Variants in OR2I1 observed in about 807,000 individuals in gnomAD.
OR2I1 encodes olfactory receptor family 2 subfamily I member 1 (gene/pseudogene), also known as putative olfactory receptor 2I1.
the OR2I1 span, chr6:29,552,993 C>G: frequency 1.2e-4 from 44 of 368,398 alleles, no homozygotes; most frequent in African/African-American, 8.9e-4. Flanking sequence ...ATCATTCTGC[C>G]TACCGAGTGT....
At chr6:29,557,590 C>T in the OR2I1 span, 2 of 152,202 alleles carry the variant, frequency 1.3e-5, no homozygotes, top group East Asian at 3.8e-4. Flanking sequence ...TTCATTGCCT[C>T]TGCTATAACC....
chr6:29,555,893 C>A, the OR2I1 span: 91,774 of 1,612,778 alleles, frequency 0.057, 10,448 homozygotes, highest in African/African-American at 0.45. Context: ...CCCTCCAATA[C>A]AATAACATGC....
At chr6:29,553,175 C>T in the OR2I1 span, 1 of 398,574 alleles carries the variant, frequency 2.5e-6, no homozygotes, top group Non-Finnish European at 4.4e-6. Flanking sequence ...GGGGTAGTCA[C>T]CCTTTTTTAT....
the OR2I1 span, chr6:29,553,635 A>G: frequency 2.5e-6 from 1 of 398,258 alleles, no homozygotes; most frequent in Non-Finnish European, 4.4e-6. Context: ...CCCCGCGCCT[A>G]TGTCGCACGC....
chr6:29,553,136 A>G, the OR2I1 span: 1 of 398,024 alleles, frequency 2.5e-6, no homozygotes, highest in Non-Finnish European at 4.4e-6. Flanking sequence ...GCCCAGCCCC[A>G]CACTCCAAGG....
the OR2I1 span, chr6:29,552,999 A>C: frequency 5.4e-5 from 20 of 373,446 alleles, no homozygotes; most frequent in Non-Finnish European, 9.5e-5. Context: ...CTGCCTACCG[A>C]GTGTTGGCCA....
the OR2I1 span, chr6:29,557,433 G>A: frequency 2.6e-5 from 4 of 152,218 alleles, no homozygotes; most frequent in Non-Finnish European, 5.9e-5. Context: ...GCATTTGAAT[G>A]CCTTTGTGTC....
the OR2I1 span, chr6:29,552,827 C>T: frequency 3.1e-5 from 5 of 160,348 alleles, no homozygotes; most frequent in African/African-American, 1.2e-4. Context: ...AGAAATACCA[C>T]AAATAAAGTT....
chr6:29,556,501 T>C, the OR2I1 span: 1 of 586,074 alleles, frequency 1.7e-6, no homozygotes, highest in Non-Finnish European at 3.0e-6. Flanking sequence ...TTGGAACTTC[T>C]TTTTTGGAAT....
the OR2I1 span, chr6:29,555,864 C>G: frequency 6.2e-7 from 1 of 1,602,516 alleles, no homozygotes; most frequent in Non-Finnish European, 8.5e-7. Context: ...CTGCCAACAC[C>G]CCATGCCCAG....
the OR2I1 span, among the ~76,000 whole-genome samples, chr6:29,551,356 C>A: frequency 6.6e-6 from 1 of 152,166 alleles, no homozygotes; most frequent in Non-Finnish European, 1.5e-5. Flanking sequence ...CACAGTGGAT[C>A]CTGGTTGATC....
the OR2I1 span, chr6:29,555,565 G>A: frequency 0.032 from 10,762 of 336,198 alleles, 236 homozygotes; most frequent in Non-Finnish European, 0.044. Context: ...GGAGATAGGA[G>A]TTTTTGCATA....
chr6:29,551,852 T>G, the OR2I1 span, among the ~76,000 whole-genome samples: 1 of 152,362 alleles, frequency 6.6e-6, no homozygotes, highest in East Asian at 1.9e-4. Context: ...TTCTTAATTA[T>G]GACATTAATG....
chr6:29,556,561 A>T, the OR2I1 span: 2 of 529,046 alleles, frequency 3.8e-6, no homozygotes, highest in Non-Finnish European at 6.6e-6. Flanking sequence ...CTTTATAATC[A>T]CACCTTTTTT....
At chr6:29,552,584 T>TCCATGAATTTGGCAGCTCCAAG in the OR2I1 span, among the ~76,000 whole-genome samples, 1 of 151,960 alleles carries the variant, frequency 6.6e-6, no homozygotes, top group East Asian at 1.9e-4. Context: ...TGAGCAGTGA[T>TCCATGAATTTGGCAGCTCCAAG]CCAGAAGTGG....
At chr6:29,556,398 T>G in the OR2I1 span, 1 of 1,427,348 alleles carries the variant, frequency 7.0e-7, no homozygotes, top group Non-Finnish European at 9.7e-7. Flanking sequence ...CCTGCCTCCT[T>G]TACACTTCTA....
the OR2I1 span, chr6:29,554,636 G>T: frequency 6.5e-6 from 1 of 153,094 alleles, no homozygotes; most frequent in Non-Finnish European, 1.5e-5. Context: ...CCTCCCCGGG[G>T]CATTTCACCC....
chr6:29,556,369 A>G, the OR2I1 span: 2 of 1,594,586 alleles, frequency 1.3e-6, no homozygotes, highest in East Asian at 4.5e-5. Context: ...TGAAAGCCAC[A>G]AGACAGTTAC....
At chr6:29,551,053 A>G in the OR2I1 span, among the ~76,000 whole-genome samples, 56 of 152,364 alleles carry the variant, frequency 3.7e-4, no homozygotes, top group African/African-American at 1.3e-3. Flanking sequence ...TTGTGCATAC[A>G]TGTAACAAGA....
Sources: gnomAD v4.1 joint callset for allele counts (sites outside exome capture counted in the v4.1 genomes callset) on GRCh38, gnomAD v4.1.1 for gene constraint, MANE v1.5 for transcripts, NCBI Gene and HGNC (gene_info 2026-07-23, HGNC 2026-07-21) for gene names.